The following GALNT3 variants were observed in gnomAD, a reference collection of about 807,000 sequenced individuals.
GALNT3 encodes GalNAc transferase 3.
GALNT3 carries 51 observed loss-of-function variants against 69.8 expected under a neutral mutation model. The observed-to-expected ratio is 0.73, with a 90% CI of 0.58 to 0.92. The LOEUF is 0.92. Among genes scored for constraint, GALNT3 ranks in the 40% least tolerant of loss-of-function variants. The pLI is 0.00. For missense variants in GALNT3, 711 were observed against 760.0 expected (o/e 0.94, Z 0.76); for synonymous variants, 265 against 248.5 (o/e 1.07, Z -0.63).
chr2:165,769,414 A>AATAATAATG (rs1688708414), intron 2 of GALNT3, among the ~76,000 whole-genome samples: 1 of 134,170 alleles, frequency 7.5e-6, no homozygotes, highest in Non-Finnish European at 1.6e-5. Context: ...TCAAAATAAT[A>AATAATAATG]ATAATAATAA....
chr2:165,772,973 T>C (rs1400154402), intron 1 of GALNT3, among the ~76,000 whole-genome samples: 1 of 152,076 alleles, frequency 6.6e-6, no homozygotes, highest in Non-Finnish European at 1.5e-5. Flanking sequence ...TTTAGAAAAA[T>C]CACAAGTTTT....
intron 2 of GALNT3, among the ~76,000 whole-genome samples, chr2:165,769,378 C>T (rs983250944): frequency 1.0e-4 from 15 of 146,556 alleles, no homozygotes; most frequent in African/African-American, 3.7e-4. Flanking sequence ...TGCACTCCAG[C>T]CTCAGTGAAA....
At position 165,757,070 on chromosome 2, in the gene GALNT3, C is replaced by T. The variant is rs377389049; in HGVS notation, c.1369G>A (p.Asp457Asn). 6 of 1,613,676 alleles carry T rather than the reference C, an allele frequency of 3.7e-6. No homozygotes were observed. In the African/African-American group the frequency reaches 8.0e-5, roughly 22 times the overall value. ...YKEIFYRRNT[D>N]AAKIVKQKAF... The stretch of plus-strand genomic sequence containing the variant: ...ACTTGTTTAACAATTTTTGCTGCAT[C>T]TGTATTTCTCCTATAAAATATTTCC... Residue 457 changes from aspartate to asparagine, a missense_variant, in exon 7 of 11, where the codon GAT (aspartate) becomes AAT (asparagine). Coordinates refer to ENST00000392701, the MANE Select transcript of GALNT3 (RefSeq NM_004482.4).
chr2:165,754,611 T>C lies in GALNT3; in HGVS notation c.1626+16A>G. On this transcript the variant is annotated intron_variant, in intron 9 of 10. Coordinates refer to ENST00000392701, the MANE Select transcript of GALNT3 (RefSeq NM_004482.4). ...TAAATGCTTTACAAGTGAAGGATTTTTAATGCAGTGCTCACCTGGTTTCCC... is the reference window on the plus strand; with the variant it reads ...TAAATGCTTTACAAGTGAAGGATTTCTAATGCAGTGCTCACCTGGTTTCCC... 2 of 1,567,984 alleles carry C rather than the reference T, an allele frequency of 1.3e-6. No individual in the cohort carries two copies. Among genetic ancestry groups the C allele is most frequent in the Non-Finnish European group, 1.8e-6 (2 of 1,138,344 alleles).
chr2:165,786,732 CT>C (rs1683231446), intron 1 of GALNT3, among the ~76,000 whole-genome samples: 1 of 152,134 alleles, frequency 6.6e-6, no homozygotes, highest in African/African-American at 2.4e-5. Flanking sequence ...ACTGCTTCGA[CT>C]TGAGTCTTGG....
chr2:165,782,320 A>G (rs1219763135), intron 1 of GALNT3, among the ~76,000 whole-genome samples: 1 of 151,978 alleles, frequency 6.6e-6, no homozygotes. Flanking sequence ...TTAGAAGAAG[A>G]AGGATTGTCT....
At chr2:165,778,962 A>G (rs922623018) in intron 1 of GALNT3, among the ~76,000 whole-genome samples, 2 of 151,448 alleles carry the variant, frequency 1.3e-5, no homozygotes, top group Non-Finnish European at 2.9e-5. Flanking sequence ...CTGAGGAGAG[A>G]GTTTGGGGAG....
chr2:165,748,745 G>T lies in GALNT3; in HGVS notation c.*36C>A, dbSNP rs751175924. On this transcript the variant is annotated 3_prime_UTR_variant, in exon 11 of 11. Coordinates refer to ENST00000392701, the MANE Select transcript of GALNT3 (RefSeq NM_004482.4). Reference sequence around the variant, plus strand: ...TGCCTAGTCACAGTTTTATGAGAAAGAATATTTCCTTTTTCAACTTAATTT... The same window carrying T: ...TGCCTAGTCACAGTTTTATGAGAAATAATATTTCCTTTTTCAACTTAATTT... 1 of 1,575,618 alleles carries T rather than the reference G, an allele frequency of 6.3e-7. No individual in the cohort carries two copies. Among genetic ancestry groups the T allele is most frequent in the South Asian group, 1.1e-5 (1 of 89,064 alleles).
At chr2:165,768,852 C>T (rs541839034) in intron 2 of GALNT3, among the ~76,000 whole-genome samples, 36 of 146,952 alleles carry the variant, frequency 2.4e-4, no homozygotes, top group African/African-American at 7.8e-4. Flanking sequence ...TGGAGTGCAA[C>T]GGCACAGATC....
intron 2 of GALNT3, among the ~76,000 whole-genome samples, chr2:165,769,263 G>A (rs917528213): frequency 6.9e-6 from 1 of 143,978 alleles, no homozygotes; most frequent in Non-Finnish European, 1.5e-5. Flanking sequence ...AAAATTAGCC[G>A]GACGTGGTGC....
In GALNT3 at chr2:165,785,177, A is replaced by G. The variant is rs145705921; in HGVS notation, c.-109+8838T>C. Among the ~76,000 whole-genome samples, 728 of 152,306 alleles carry G rather than the reference A, an allele frequency of 4.8e-3. 5 individuals carry two copies. The highest frequency in any genetic ancestry group is 0.017 in the African/African-American group (708 of 41,574). ...ACATTAAAGCATTGTTCTAATATCA[A>G]AGGGTTGAAACAACCGAGAACTCTA... is the stretch of plus-strand genomic sequence containing the variant. On this transcript the variant is annotated intron_variant, in intron 1 of 10. Coordinates refer to ENST00000392701, the MANE Select transcript of GALNT3 (RefSeq NM_004482.4).
intron 6 of GALNT3, chr2:165,758,499 C>G (rs781618511): frequency 9.9e-5 from 32 of 324,612 alleles, no homozygotes; most frequent in Non-Finnish European, 1.5e-4. Context: ...GCTACAAGTG[C>G]ATTAATTGGT....
intron 1 of GALNT3, among the ~76,000 whole-genome samples, chr2:165,785,797 G>C (rs1205032443): frequency 1.3e-5 from 2 of 152,054 alleles, no homozygotes; most frequent in African/African-American, 4.8e-5. Context: ...TCCGAACAGG[G>C]GCAAGAGGAC....
At position 165,770,175 on chromosome 2, in the gene GALNT3, C is replaced by A; in HGVS notation, c.515+11G>T. Reference sequence around the variant, plus strand: ...TGATAAAGAATAAACAATAAATATTCTTCAACATACTCAGGAGGTCGAGTG... The same window carrying A: ...TGATAAAGAATAAACAATAAATATTATTCAACATACTCAGGAGGTCGAGTG... On this transcript the variant is annotated intron_variant, in intron 2 of 10. Coordinates refer to ENST00000392701, the MANE Select transcript of GALNT3 (RefSeq NM_004482.4). 6.2e-7 allele frequency: 1 copy of A among 1,614,064 alleles called. No individual in the cohort carries two copies. Among genetic ancestry groups the A allele is most frequent in the South Asian group, 1.1e-5 (1 of 91,064 alleles).
rs1257601926 is a variant in GALNT3 at position 165,747,824 on chromosome 2, T to C, written c.*957A>G. The C allele has an allele frequency of 5.9e-6, 1 of 169,180 alleles. No individual in the cohort carries two copies. Among genetic ancestry groups the C allele is most frequent in the Non-Finnish European group, 1.3e-5 (1 of 77,674 alleles). 10.5% of individuals were successfully genotyped at this position (169,180 alleles called of 1,614,324 possible). On this transcript the variant is annotated 3_prime_UTR_variant, in exon 11 of 11. Transcript: ENST00000392701. ...ATGATTACAATAGTGTTGAGGATTT[T>C]TTATTGTGTTTTCCACATAGATAAA...
At chr2:165,774,081 A>G (rs1163084731) in intron 1 of GALNT3, among the ~76,000 whole-genome samples, 1 of 152,180 alleles carries the variant, frequency 6.6e-6, no homozygotes, top group Non-Finnish European at 1.5e-5. Context: ...GTTCCGGAAG[A>G]TAAGAATGGT....
At chr2:165,766,405 G>A (rs924156578) in intron 2 of GALNT3, among the ~76,000 whole-genome samples, 24 of 152,166 alleles carry the variant, frequency 1.6e-4, no homozygotes, top group Admixed American at 1.3e-4. Flanking sequence ...GTATAGGAAT[G>A]TCTTTCCTCA....
At chr2:165,786,691 A>G (rs1683230666) in intron 1 of GALNT3, among the ~76,000 whole-genome samples, 1 of 152,214 alleles carries the variant, frequency 6.6e-6, no homozygotes, top group Admixed American at 6.5e-5. Flanking sequence ...TCATGGAAAC[A>G]GAAGGCGAAC....
intron 2 of GALNT3, among the ~76,000 whole-genome samples, chr2:165,766,178 A>G (rs1218065853): frequency 6.6e-6 from 1 of 152,194 alleles, no homozygotes; most frequent in Admixed American, 6.5e-5. Context: ...TTGATCTACT[A>G]TCAAATAAGA....
Sources: gnomAD v4.1 joint callset for allele counts (sites outside exome capture counted in the v4.1 genomes callset) on GRCh38, gnomAD v4.1.1 for gene constraint, MANE v1.5 for transcripts, NCBI Gene and HGNC (gene_info 2026-07-23, HGNC 2026-07-21) for gene names.